SIRT4: variants seen among roughly 807,000 people sequenced by gnomAD.
SIRT4 encodes the protein sirtuin 4.
Under a neutral mutation model 26.1 loss-of-function variants are expected in SIRT4, and 23 were observed. The ratio of observed to expected loss-of-function variants is 0.88; its 90% CI spans 0.63 to 1.25. The LOEUF (loss-of-function observed/expected upper bound fraction) is 1.25. SIRT4 is among the 50% of genes most tolerant of loss of function. The pLI is 0.00. For synonymous variants in SIRT4, 155 were observed against 158.4 expected, an observed-to-expected ratio of 0.98 and a Z score of 0.16; for missense variants, 361 against 405.4, an observed-to-expected ratio of 0.89 and a Z score of 0.94.
the SIRT4 span, chr12:120,293,065 A>AG: frequency 3.9e-5 from 5 of 127,672 alleles, no homozygotes; most frequent in African/African-American, 5.7e-5. Flanking sequence ...ACACAAAAAA[A>AG]GCCTCTGTTG....
intron 3 of SIRT4, 38 bp downstream of exon 3, chr12:120,312,788 C>A (rs200922698): frequency 3.1e-6 from 5 of 1,604,978 alleles, no homozygotes; most frequent in East Asian, 2.2e-5. Flanking sequence ...ACCCCTTGTG[C>A]GGGATTGGGA....
At chr12:120,295,441 T>TC in the SIRT4 span, among the ~76,000 whole-genome samples, 1 of 142,046 alleles carries the variant, frequency 7.0e-6, no homozygotes, top group Non-Finnish European at 1.5e-5. Flanking sequence ...TTTTTTTTTT[T>TC]AGTAGAGACG....
chr12:120,312,814 C>T, intron 3 of SIRT4, 64 bp downstream of exon 3: 1 of 1,607,272 alleles, frequency 6.2e-7, no homozygotes, highest in Non-Finnish European at 8.5e-7. Context: ...GGAGAGACAC[C>T]CTGTTTGGTT....
chr12:120,296,748 G>A, the SIRT4 span, among the ~76,000 whole-genome samples: 870 of 151,594 alleles, frequency 5.7e-3, 12 homozygotes, highest in African/African-American at 0.02. Flanking sequence ...GGGCTCAAGT[G>A]ATCCGCCCGC....
chr12:120,307,350 G>A (rs920895992), intron 2 of SIRT4, among the ~76,000 whole-genome samples: 5 of 151,996 alleles, frequency 3.3e-5, no homozygotes, highest in Non-Finnish European at 5.9e-5. Context: ...TTGGCCAGGC[G>A]TGGTGGCGGG....
At chr12:120,308,165 C>CT (rs10707396) in intron 2 of SIRT4, among the ~76,000 whole-genome samples, 4,491 of 85,014 alleles carry the variant, frequency 0.053, 194 homozygotes, top group Admixed American at 0.13. Context: ...CCCAAGAAAG[C>CT]TTTTTTTTTT....
the SIRT4 span, among the ~76,000 whole-genome samples, chr12:120,292,737 G>C: frequency 1.4e-5 from 2 of 143,890 alleles, no homozygotes; most frequent in African/African-American, 2.6e-5. Context: ...GCTAAACAGG[G>C]GTTCGGCAAA....
chr12:120,308,014 T>TA (rs1323316316), intron 2 of SIRT4, among the ~76,000 whole-genome samples: 6 of 150,080 alleles, frequency 4.0e-5, no homozygotes, highest in East Asian at 2.0e-4. Context: ...GAAAGCTTTT[T>TA]AAAAAAAAAA....
chr12:120,304,137 C>T, intron 2 of SIRT4, 79 bp downstream of exon 2: 1 of 1,530,114 alleles, frequency 6.5e-7, no homozygotes, highest in East Asian at 2.3e-5. Flanking sequence ...TCTTGATCAC[C>T]ACAGTCTTAG....
the SIRT4 span, chr12:120,291,864 A>C: frequency 1.3e-5 from 2 of 152,138 alleles, no homozygotes; most frequent in African/African-American, 2.4e-5. Context: ...CGCGCCTCGG[A>C]TAAACCTCAT....
At chr12:120,293,305 G>A in the SIRT4 span, 2 of 152,112 alleles carry the variant, frequency 1.3e-5, no homozygotes, top group Non-Finnish European at 1.5e-5. Context: ...GTGAGTTTAG[G>A]GCCTATGGAA....
chr12:120,308,351 A>G (rs1441565832), intron 2 of SIRT4, among the ~76,000 whole-genome samples: 1 of 151,424 alleles, frequency 6.6e-6, no homozygotes, highest in Non-Finnish European at 1.5e-5. Flanking sequence ...TTGTATTTGT[A>G]GTAGAGGTAG....
At chr12:120,309,716 T>C (rs1271855754) in intron 2 of SIRT4, among the ~76,000 whole-genome samples, 2 of 124,570 alleles carry the variant, frequency 1.6e-5, no homozygotes, top group Non-Finnish European at 3.4e-5. Context: ...CCCGCTTTCT[T>C]TTTTTTTTTT....
chr12:120,305,320 A>C (rs1872710620), intron 2 of SIRT4, among the ~76,000 whole-genome samples: 1 of 151,918 alleles, frequency 6.6e-6, no homozygotes, highest in Non-Finnish European at 1.5e-5. Context: ...GTGTGATTAT[A>C]GCTCACTTCA....
intron 2 of SIRT4, among the ~76,000 whole-genome samples, chr12:120,306,172 A>G (rs1236047298): frequency 2.7e-5 from 4 of 149,652 alleles, no homozygotes; most frequent in Non-Finnish European, 4.4e-5. Context: ...CTCTACAAAA[A>G]ATTTTTTTAA....
chr12:120,310,432 G>A (rs1565872159), intron 2 of SIRT4, among the ~76,000 whole-genome samples: 1 of 152,076 alleles, frequency 6.6e-6, no homozygotes, highest in African/African-American at 2.4e-5. Context: ...ACCCAGACTG[G>A]TCTGGAACTC....
chr12:120,307,259 G>C (rs1292480136), intron 2 of SIRT4, among the ~76,000 whole-genome samples: 1 of 152,158 alleles, frequency 6.6e-6, no homozygotes, highest in African/African-American at 2.4e-5. Flanking sequence ...GAGAGGCTGA[G>C]GGGGCGGATC....
chr12:120,300,808 G>A (rs562722770), upstream of SIRT4, among the ~76,000 whole-genome samples: 10 of 152,196 alleles, frequency 6.6e-5, no homozygotes, highest in South Asian at 4.1e-4. Context: ...CCTGCTGGCC[G>A]CCCACCTTTA....
chr12:120,312,354 A>G, intron 2 of SIRT4, 102 bp from the exon 3 acceptor site: 1 of 1,079,772 alleles, frequency 9.3e-7, no homozygotes, highest in Non-Finnish European at 1.4e-6. Flanking sequence ...AGGGAAAGAA[A>G]GCAGCGATGG....
Sources: allele counts gnomAD v4.1 joint callset (sites outside exome capture counted in the v4.1 genomes callset), GRCh38; gene constraint gnomAD v4.1.1; transcripts MANE v1.5; gene names NCBI Gene and HGNC (gene_info 2026-07-23, HGNC 2026-07-21).